ATRNL1: variants seen among roughly 807,000 people sequenced by gnomAD.
ATRNL1 encodes the protein attractin-like protein 1.
A neutral mutation model predicts 182.7 loss-of-function variants in ATRNL1; 95 were observed. That is an observed-to-expected ratio of 0.52 (90% CI 0.44 to 0.62). The LOEUF is 0.62. ATRNL1 is among the 20% of genes least tolerant of loss of function. The pLI, the probability that ATRNL1 is intolerant of heterozygous loss-of-function variation, is 0.00. For synonymous variants in ATRNL1, 576 were observed against 568.3 expected, an observed-to-expected ratio of 1.01 and a Z score of -0.19; for missense variants, 1,471 against 1,679.5, an observed-to-expected ratio of 0.88 and a Z score of 2.17.
intron 19 of ATRNL1, among the ~76,000 whole-genome samples, chr10:115,355,375 C>T (rs1417897729): frequency 6.6e-6 from 1 of 151,976 alleles, no homozygotes; most frequent in Non-Finnish European, 1.5e-5. Context: ...AGCCCTAAGC[C>T]CAGGTATGCT....
intron 25 of ATRNL1, 66 bp from the exon 26 acceptor site, chr10:115,549,392 T>C (rs530911980): frequency 8.7e-7 from 1 of 1,149,214 alleles, no homozygotes; most frequent in Non-Finnish European, 1.2e-6. Context: ...GTCTTTCATG[T>C]ACTGTTTTTT....
At chr10:115,396,456 G>A (rs1375883506) in intron 20 of ATRNL1, among the ~76,000 whole-genome samples, 3 of 151,912 alleles carry the variant, frequency 2.0e-5, no homozygotes, top group African/African-American at 7.2e-5. Context: ...TCATCATCTT[G>A]AAATTCTTAA....
chr10:115,172,477 C>T (rs1408666339), intron 8 of ATRNL1, among the ~76,000 whole-genome samples: 2 of 151,108 alleles, frequency 1.3e-5, no homozygotes, highest in African/African-American at 2.4e-5. Flanking sequence ...AGTACTTCTC[C>T]TACCTGGCCT....
chr10:115,708,810 T>C (rs1329475671), intron 26 of ATRNL1, among the ~76,000 whole-genome samples: 1 of 151,862 alleles, frequency 6.6e-6, no homozygotes, highest in African/African-American at 2.4e-5. Flanking sequence ...GTCTGTGGTG[T>C]ATATTACTTT....
At chr10:115,671,589 A>G (rs1945698830) in intron 26 of ATRNL1, among the ~76,000 whole-genome samples, 1 of 152,126 alleles carries the variant, frequency 6.6e-6, no homozygotes, top group Non-Finnish European at 1.5e-5. Context: ...TATCTGAAAG[A>G]GTTCCACTGT....
chr10:115,732,283 C>A (rs1415700608), intron 27 of ATRNL1, among the ~76,000 whole-genome samples: 12 of 152,138 alleles, frequency 7.9e-5, no homozygotes, highest in Non-Finnish European at 8.8e-5. Flanking sequence ...AATCAATTTA[C>A]CATAACCATG....
At chr10:115,695,243 G>A (rs1224484862) in intron 26 of ATRNL1, among the ~76,000 whole-genome samples, 1 of 152,098 alleles carries the variant, frequency 6.6e-6, no homozygotes, top group East Asian at 1.9e-4. Flanking sequence ...AAATCTGAAG[G>A]AGAATTTTTT....
chr10:115,167,741 T>C (rs1290121668), intron 7 of ATRNL1, among the ~76,000 whole-genome samples: 1 of 152,142 alleles, frequency 6.6e-6, no homozygotes, highest in African/African-American at 2.4e-5. Context: ...TGAAAACATA[T>C]ACCTACATTT....
intron 26 of ATRNL1, among the ~76,000 whole-genome samples, chr10:115,582,240 A>G (rs1855156111): frequency 6.8e-6 from 1 of 146,096 alleles, no homozygotes; most frequent in South Asian, 2.3e-4. Context: ...CATGATTTAT[A>G]GTCCTTTGGG....
At chr10:115,803,589 GT>G (rs1300141911) in intron 27 of ATRNL1, among the ~76,000 whole-genome samples, 2 of 141,030 alleles carry the variant, frequency 1.4e-5, no homozygotes, top group African/African-American at 5.1e-5. Context: ...AGAAGTTTGG[GT>G]TTTTTTGTGT....
intron 13 of ATRNL1, among the ~76,000 whole-genome samples, chr10:115,269,598 T>A (rs1254807874): frequency 1.3e-5 from 2 of 152,180 alleles, no homozygotes; most frequent in Non-Finnish European, 2.9e-5. Context: ...CCTCCCAAAG[T>A]GCTGGGATTA....
intron 26 of ATRNL1, among the ~76,000 whole-genome samples, chr10:115,566,587 A>T (rs1200260057): frequency 2.6e-5 from 4 of 152,148 alleles, no homozygotes; most frequent in African/African-American, 9.7e-5. Context: ...TATTACGGAG[A>T]CTATTATGAA....
intron 24 of ATRNL1, among the ~76,000 whole-genome samples, chr10:115,510,106 A>G (rs1241439463): frequency 1.3e-5 from 2 of 152,048 alleles, no homozygotes; most frequent in African/African-American, 4.8e-5. Context: ...GCTGCAATGT[A>G]ATGATAAAAC....
At chr10:115,430,132 A>C (rs1846087993) in intron 21 of ATRNL1, among the ~76,000 whole-genome samples, 1 of 152,224 alleles carries the variant, frequency 6.6e-6, no homozygotes, top group African/African-American at 2.4e-5. Flanking sequence ...AAAGCTTTTA[A>C]AAATGAATTT....
intron 27 of ATRNL1, among the ~76,000 whole-genome samples, chr10:115,830,400 C>G (rs782661159): frequency 6.6e-5 from 10 of 152,132 alleles, no homozygotes; most frequent in Non-Finnish European, 1.2e-4. Context: ...AATAAGAAAT[C>G]TGGCATGGCT....
chr10:115,225,530 A>T (rs939300118), intron 9 of ATRNL1, among the ~76,000 whole-genome samples: 1 of 136,554 alleles, frequency 7.3e-6, no homozygotes, highest in Admixed American at 7.2e-5. Flanking sequence ...CAGTTGCTGC[A>T]AATAACATCA....
At chr10:115,730,179 C>G (rs1275521541) in intron 27 of ATRNL1, among the ~76,000 whole-genome samples, 1 of 140,934 alleles carries the variant, frequency 7.1e-6, no homozygotes. Flanking sequence ...ATTGCTTGAA[C>G]CCAGGAGATG....
rs534230786 is a variant in ATRNL1, at chr10:115,918,098, C to CT, written c.4019-26539dup. ...CTTACAGCAATCTATTTTTTAGTGT[C>CT]TTTTTTTTTTTTTTTTTTTTTAAGA... On this transcript the variant is annotated intron_variant, in intron 28 of 28. Coordinates refer to ENST00000355044, the MANE Select transcript of ATRNL1 (RefSeq NM_207303.4). Among the ~76,000 whole-genome samples the CT allele has an allele frequency of 7.9e-3, 977 of 123,806 alleles. 11 individuals are homozygous for CT. The highest frequency in any genetic ancestry group is 0.029 in the African/African-American group (934 of 32,764). 81.2% of individuals were successfully genotyped at this position (123,806 alleles called of 152,430 possible).
At position 115,900,690 on chromosome 10, in the gene ATRNL1, G is replaced by A. The variant is rs1425725584; in HGVS notation, c.4019-43968G>A. Among the ~76,000 whole-genome samples, 12 of 152,312 alleles carry A rather than the reference G, an allele frequency of 7.9e-5. No individual in the cohort carries two copies. The East Asian group carries it at 2.3e-3, about 29-fold the overall frequency. ...CTCATGCCCACGTAGTTAGGAAGTA[G>A]CAGAGCTGGAATTTGAACCCAGGCT... On this transcript the variant is annotated intron_variant, in intron 28 of 28. Coordinates refer to ENST00000355044, the MANE Select transcript of ATRNL1 (RefSeq NM_207303.4).
Sources: allele counts gnomAD v4.1 joint callset (sites outside exome capture counted in the v4.1 genomes callset), GRCh38; gene constraint gnomAD v4.1.1; transcripts MANE v1.5; gene names NCBI Gene and HGNC (gene_info 2026-07-23, HGNC 2026-07-21).